Variants in MPRIP observed in about 807,000 individuals in gnomAD.
The protein encoded by MPRIP is myosin phosphatase Rho interacting protein.
In MPRIP, 59 loss-of-function variants were observed where a neutral mutation model predicts 234.9. The ratio of observed to expected loss-of-function variants is 0.25; its 90% CI spans 0.20 to 0.31. MPRIP has a LOEUF of 0.31. Ranked by LOEUF, MPRIP falls within the 10% of genes least tolerant of loss-of-function variation. MPRIP has a pLI of 1.00. For missense variants in MPRIP, 2,436 were observed against 3,071.0 expected (o/e 0.79, Z 4.89); for synonymous variants, 1,144 against 1,263.9 (o/e 0.91, Z 2.01).
chr17:17,173,742 C>A, intron 18 of MPRIP, 174 bp from the exon 19 acceptor site: 1 of 747,876 alleles, frequency 1.3e-6, no homozygotes, highest in Non-Finnish European at 2.4e-6. Context: ...CAGGGAGGGG[C>A]GTGAGGCCAT....
chr17:17,130,038 T>C (rs1269001554), intron 4 of MPRIP, among the ~76,000 whole-genome samples: 1 of 152,226 alleles, frequency 6.6e-6, no homozygotes, highest in African/African-American at 2.4e-5. Context: ...CCTGCCTGTC[T>C]GCTGGCTTTG....
At chr17:17,168,892 A>ACTGCTC (rs1289979260) in intron 16 of MPRIP, 2 of 456,684 alleles carry the variant, frequency 4.4e-6, no homozygotes, top group South Asian at 3.1e-5. Flanking sequence ...GGTGGCTGCC[A>ACTGCTC]CTGCTCCTGC....
chr17:17,075,586 G>A, intron 1 of MPRIP, 124 bp from the exon 2 acceptor site: 1 of 781,106 alleles, frequency 1.3e-6, no homozygotes, highest in Non-Finnish European at 2.2e-6. Flanking sequence ...AGTGGAAATA[G>A]GTGTCATGAC....
At chr17:17,151,558 T>A (rs1265293009) in intron 12 of MPRIP, among the ~76,000 whole-genome samples, 1 of 152,216 alleles carries the variant, frequency 6.6e-6, no homozygotes, top group Non-Finnish European at 1.5e-5. Flanking sequence ...CCGCCATGGT[T>A]GGCTACTTTC....
chr17:17,158,951 T>A lies in MPRIP; in HGVS notation c.2349T>A (p.Asp783Glu). ...PIAPVHLSSE[D>E]GGDRLSTHEL... ...CCCCCGTCCACCTGTCTTCTGAAGATGGGGGTGACCGGCTCTCCACACACG... is the reference window on the plus strand; with the variant it reads ...CCCCCGTCCACCTGTCTTCTGAAGAAGGGGGTGACCGGCTCTCCACACACG... The change falls in exon 14 of 24, where the codon GAT (aspartate) becomes GAA (glutamate). Residue 783 changes from aspartate to glutamate, a missense_variant. Asp to Glu is a conservative substitution (Grantham distance 45). This residue lies in a region of MPRIP where 1,998 missense variants were observed against 2,520.3 expected (regional missense o/e 0.79). Transcript: ENST00000651222. The A allele has an allele frequency of 6.2e-7, 1 of 1,612,766 alleles. No individual in the cohort carries two copies. Among genetic ancestry groups the A allele is most frequent in the Non-Finnish European group, 8.5e-7 (1 of 1,179,934 alleles).
intron 1 of MPRIP, among the ~76,000 whole-genome samples, chr17:17,065,512 T>C (rs940505924): frequency 6.6e-5 from 10 of 152,128 alleles, no homozygotes; most frequent in African/African-American, 2.4e-4. Flanking sequence ...GGTTTATTAC[T>C]AACTACTGTT....
chr17:17,138,276 G>A lies in MPRIP; in HGVS notation c.1097G>A (p.Ser366Asn). Residue 366 changes from serine (S) to asparagine (N), a missense_variant, in exon 7 of 24, where the codon AGC becomes AAC. This residue lies in a region of MPRIP where 267 missense variants were observed against 252.7 expected (regional missense o/e 1.06). Coordinates refer to ENST00000651222, the MANE Select transcript of MPRIP (RefSeq NM_001364716.4). The surrounding 1 kb of genome is among the most constrained non-coding windows in gnomAD (Gnocchi z 5.8). ...RLGSAFAFKA[S>N]RQYATLADVP... ...GGGAGCGCCTTTGCCTTTAAAGCCA[G>A]CAGGCAATATGCCACCCTGGCCGAC... 2.1e-6 allele frequency: 1 copy of A among 479,840 alleles called. No individual in the cohort carries two copies. Among genetic ancestry groups the A allele is most frequent in the African/African-American group, 2.0e-5 (1 of 49,742 alleles). The allele number at this position is 479,840 out of a possible 1,614,324, so 29.7% of individuals were successfully genotyped here. A position where few individuals can be genotyped will look rare whatever the true frequency, so the allele number is the denominator to read the frequency against.
At chr17:17,057,578 G>A in intron 1 of MPRIP, 1 of 717,670 alleles carries the variant, frequency 1.4e-6, no homozygotes, top group South Asian at 1.5e-5. Context: ...AGAGGGAAAA[G>A]GCCTTTGCTA....
At chr17:17,139,974 C>G (rs1315252634) in intron 7 of MPRIP, among the ~76,000 whole-genome samples, 1 of 152,256 alleles carries the variant, frequency 6.6e-6, no homozygotes, top group African/African-American at 2.4e-5. Context: ...GGTGACTTCT[C>G]AACAATGGAT....
In MPRIP at chr17:17,167,798, C is replaced by T; in HGVS notation, c.6207C>T (p.Arg2069=). ...ACTCCATGACGGGGCTGAGGGAGCG[C>T]ATCCAGGAGCTGGAGGCCCAGATGG... ...EADSMTGLRE[R]IQELEAQMDV... Residue 2069 remains arginine, a synonymous_variant, in exon 16 of 24, where the codon CGC becomes CGT. Coordinates refer to ENST00000651222, the MANE Select transcript of MPRIP (RefSeq NM_001364716.4). This position sits in a 1 kb window ranked among gnomAD's most constrained non-coding sequence, Gnocchi z 5.9. 7.7e-7 allele frequency: 1 copy of T among 1,304,286 alleles called. No homozygotes were observed. The highest frequency in any genetic ancestry group is 1.0e-6 in the Non-Finnish European group (1 of 988,972). The allele number at this position is 1,304,286 out of a possible 1,614,324, so 80.8% of individuals were successfully genotyped here.
chr17:17,178,927 AAG>A lies in MPRIP; in HGVS notation c.7121-1074_7121-1073del, dbSNP rs1491056499. On this transcript the variant is annotated intron_variant, in intron 22 of 23. Coordinates refer to ENST00000651222, the MANE Select transcript of MPRIP (RefSeq NM_001364716.4). ...GAATGAGACCCTGCCTCAAAAAAAA[AAG>A]AAAAAAAAAACCTGTGCTGACCTGT... Among the ~76,000 whole-genome samples, 12 of 151,790 alleles carry A rather than the reference AAG, an allele frequency of 7.9e-5. No homozygotes were observed. The East Asian group carries it at 1.5e-3, about 20-fold the overall frequency.
chr17:17,094,696 C>T (rs1168303027), intron 3 of MPRIP, among the ~76,000 whole-genome samples: 2 of 151,554 alleles, frequency 1.3e-5, no homozygotes, highest in African/African-American at 4.9e-5. Context: ...CTGCAACCTC[C>T]GCCTCCCAGG....
Position 17,054,102 on chromosome 17 carries a change from G to A in MPRIP, c.123+11131G>A, listed in dbSNP as rs540574142. Among the ~76,000 whole-genome samples the A allele has an allele frequency of 1.7e-3, 260 of 152,156 alleles. 1 individual carries two copies. The highest frequency in any genetic ancestry group is 2.3e-3 in the Non-Finnish European group (154 of 68,012). ...CCAAAGTATTTCTAATATTAAACATGGAAATACATGTGAGCTATTATATAC... is the reference window on the plus strand; with the variant it reads ...CCAAAGTATTTCTAATATTAAACATAGAAATACATGTGAGCTATTATATAC... On this transcript the variant is annotated intron_variant, in intron 1 of 23. Coordinates refer to ENST00000651222, the MANE Select transcript of MPRIP (RefSeq NM_001364716.4).
At chr17:17,080,391 G>C (rs2089435173) in intron 3 of MPRIP, among the ~76,000 whole-genome samples, 1 of 152,344 alleles carries the variant, frequency 6.6e-6, no homozygotes, top group East Asian at 1.9e-4. Context: ...TGAGCTGAGA[G>C]TCCCACCCCA....
In MPRIP at chr17:17,066,723, C is replaced by CTTTTTTTTTTTTTTTTTTTTTT. The variant is rs34804730; in HGVS notation, c.124-8962_124-8941dup. Among the ~76,000 whole-genome samples, 3 of 36,688 alleles carry CTTTTTTTTTTTTTTTTTTTTTT rather than the reference C, an allele frequency of 8.2e-5. 1 individual carries two copies. The highest frequency in any genetic ancestry group is 1.8e-4 in the Non-Finnish European group (3 of 16,614). The allele number at this position is 36,688 out of a possible 152,430, so 24.1% of individuals were successfully genotyped here. ...TCAAACCCACAGATACTTTTTTCATCTTTTTTTTTTTTTTTTTTTTTTTTT... is the reference window on the plus strand; with the variant it reads ...TCAAACCCACAGATACTTTTTTCATCTTTTTTTTTTTTTTTTTTTTTTTTTTTTTTTTTTTTTTTTTTTTTTT... On this transcript the variant is annotated intron_variant, in intron 1 of 23. Transcript: ENST00000651222.
chr17:17,105,731 G>A (rs1218851278), intron 3 of MPRIP, among the ~76,000 whole-genome samples: 1 of 152,184 alleles, frequency 6.6e-6, no homozygotes, highest in African/African-American at 2.4e-5. Flanking sequence ...CAGGACTATG[G>A]GAAGGGGGTC....
Position 17,167,449 on chromosome 17 carries a change from G to A in MPRIP, c.5858G>A (p.Arg1953Gln), listed in dbSNP as rs752649155. 12 of 1,304,216 alleles carry A rather than the reference G, an allele frequency of 9.2e-6. No homozygotes were observed. The highest frequency in any genetic ancestry group is 2.5e-5 in the South Asian group (2 of 81,024). The allele number at this position is 1,304,216 out of a possible 1,614,324, so 80.8% of individuals were successfully genotyped here. A position where few individuals can be genotyped will look rare whatever the true frequency, so the allele number is the denominator to read the frequency against. ...TLRGRYEEEI[R>Q]CVVEQLTRTE... is the part of the protein sequence containing the mutation. Reference sequence around the variant, plus strand: ...CGGGGCAGGTATGAGGAGGAGATTCGGTGTGTGGTGGAGCAGCTGACCAGG... The same window carrying A: ...CGGGGCAGGTATGAGGAGGAGATTCAGTGTGTGGTGGAGCAGCTGACCAGG... The change falls in exon 16 of 24, where the codon CGG (arginine) becomes CAG (glutamine). Residue 1953 changes from arginine (R) to glutamine (Q), a missense_variant. By Grantham distance (43) the Arg-to-Gln change is conservative. Coordinates refer to ENST00000651222, the MANE Select transcript of MPRIP (RefSeq NM_001364716.4). This position sits in a 1 kb window ranked among gnomAD's most constrained non-coding sequence, Gnocchi z 5.9.
chr17:17,087,915 C>T (rs1035696359), intron 3 of MPRIP, among the ~76,000 whole-genome samples: 1 of 152,154 alleles, frequency 6.6e-6, no homozygotes, highest in African/African-American at 2.4e-5. Flanking sequence ...AGGACTGTCC[C>T]GTGCGCTTAC....
At chr17:17,174,397 C>T (rs572598742) in intron 19 of MPRIP, among the ~76,000 whole-genome samples, 15 of 152,386 alleles carry the variant, frequency 9.8e-5, no homozygotes, top group South Asian at 2.1e-4. Context: ...CTGTGCTCCT[C>T]TGAACCTCTG....
Sources: gnomAD v4.1 joint callset for allele counts (sites outside exome capture counted in the v4.1 genomes callset) on GRCh38, gnomAD v4.1.1 for gene constraint, gnomAD v4.1.1 regional missense constraint, Gnocchi (gnomAD v3.1) non-coding constraint, MANE v1.5 for transcripts, NCBI Gene and HGNC (gene_info 2026-07-23, HGNC 2026-07-21) for gene names.